The following PDSS2 variants were observed in gnomAD, a reference collection of about 807,000 sequenced individuals.
The protein encoded by PDSS2 is all trans-polyprenyl-diphosphate synthase PDSS2.
In PDSS2, 31 loss-of-function variants were observed where a neutral mutation model predicts 44.5. The ratio of observed to expected loss-of-function variants is 0.70; its 90% CI spans 0.52 to 0.94. The LOEUF (loss-of-function observed/expected upper bound fraction) is 0.94. Among genes scored for constraint, PDSS2 ranks in the 40% least tolerant of loss-of-function variants. The pLI is 0.00. For synonymous variants in PDSS2, 157 were observed against 180.3 expected (o/e 0.87, Z 1.03); for missense variants, 452 against 482.2 (o/e 0.94, Z 0.59).
intron 6 of PDSS2, among the ~76,000 whole-genome samples, chr6:107,205,807 C>T (rs1250719408): frequency 6.6e-6 from 1 of 152,158 alleles, no homozygotes; most frequent in East Asian, 1.9e-4. Flanking sequence ...AGAGGTGGCA[C>T]AGCCTGATAA....
intron 1 of PDSS2, among the ~76,000 whole-genome samples, chr6:107,358,417 A>C (rs368421425): frequency 6.6e-6 from 1 of 152,322 alleles, no homozygotes; most frequent in South Asian, 2.1e-4. Flanking sequence ...TCAAACTGCT[A>C]TATTCATCTA....
At chr6:107,232,246 A>G (rs896384243) in intron 4 of PDSS2, among the ~76,000 whole-genome samples, 2 of 152,128 alleles carry the variant, frequency 1.3e-5, no homozygotes, top group Non-Finnish European at 2.9e-5. Flanking sequence ...TATTTTCATA[A>G]CACCTGTCTG....
chr6:107,330,406 C>T (rs1393415591), intron 2 of PDSS2, among the ~76,000 whole-genome samples: 2 of 152,086 alleles, frequency 1.3e-5, no homozygotes, highest in Admixed American at 6.6e-5. Flanking sequence ...AGTTAAGGTG[C>T]TGGGAAACTT....
chr6:107,295,022 C>T (rs1452241150), intron 2 of PDSS2, among the ~76,000 whole-genome samples: 1 of 152,102 alleles, frequency 6.6e-6, no homozygotes, highest in East Asian at 1.9e-4. Flanking sequence ...CTCTGCCCCA[C>T]TGGGGTTCAA....
At chr6:107,263,504 C>T (rs1161986359) in intron 3 of PDSS2, among the ~76,000 whole-genome samples, 1 of 151,868 alleles carries the variant, frequency 6.6e-6, no homozygotes, top group African/African-American at 2.4e-5. Flanking sequence ...ATGTAAGCTG[C>T]TCTTGCTCTT....
chr6:107,277,701 C>T (rs1299188918), intron 2 of PDSS2, among the ~76,000 whole-genome samples: 2 of 152,182 alleles, frequency 1.3e-5, no homozygotes, highest in East Asian at 3.9e-4. Context: ...GCCTGTAATC[C>T]CTGCACTATG....
rs144549227 is a variant in PDSS2 at position 107,252,074 on chromosome 6, C to T, written c.631-6455G>A. Among the ~76,000 whole-genome samples, 501 of 152,290 alleles carry T rather than the reference C, an allele frequency of 3.3e-3. 4 individuals are homozygous for T. The highest frequency in any genetic ancestry group is 0.012 in the African/African-American group (484 of 41,556). On this transcript the variant is annotated intron_variant, in intron 3 of 7. Coordinates refer to ENST00000369037, the MANE Select transcript of PDSS2 (RefSeq NM_020381.4). ...CAGGCTGGCAGCCTCAGTGGAGAAA[C>T]GACTTCTGAAGAACACAGGGCACAG... is the stretch of plus-strand genomic sequence containing the variant.
intron 3 of PDSS2, among the ~76,000 whole-genome samples, chr6:107,250,887 G>A (rs1459685673): frequency 1.3e-5 from 2 of 151,440 alleles, no homozygotes; most frequent in South Asian, 2.1e-4. Context: ...ACGGAGTCTC[G>A]CTCTGTTACC....
Position 107,258,655 on chromosome 6 carries a change from T to C in PDSS2, c.631-13036A>G, listed in dbSNP as rs538782712. ...CCATCTCTACTAAAAATACAAAAATTAGCTGGATGTGGTGGTGGGTGCCTA... is the reference window on the plus strand; with the variant it reads ...CCATCTCTACTAAAAATACAAAAATCAGCTGGATGTGGTGGTGGGTGCCTA... On this transcript the variant is annotated intron_variant, in intron 3 of 7. Transcript: ENST00000369037. Among the ~76,000 whole-genome samples, 3 of 152,126 alleles carry C rather than the reference T, an allele frequency of 2.0e-5. No homozygotes were observed. The South Asian group carries it at 6.2e-4, about 32-fold the overall frequency.
intron 7 of PDSS2, among the ~76,000 whole-genome samples, chr6:107,158,136 G>A (rs1554245997): frequency 6.6e-6 from 1 of 150,962 alleles, no homozygotes; most frequent in African/African-American, 2.4e-5. Flanking sequence ...AGTGACTCAA[G>A]ATCACAGATG....
intron 7 of PDSS2, among the ~76,000 whole-genome samples, chr6:107,167,917 T>C (rs1554247821): frequency 6.6e-6 from 1 of 152,080 alleles, no homozygotes; most frequent in African/African-American, 2.4e-5. Context: ...CAATTTTGGA[T>C]TGGTGTGGTG....
chr6:107,198,473 T>C (rs1460945491), intron 6 of PDSS2, among the ~76,000 whole-genome samples: 1 of 152,220 alleles, frequency 6.6e-6, no homozygotes, highest in African/African-American at 2.4e-5. Flanking sequence ...TTACTCTTGA[T>C]CACTTTAGCT....
chr6:107,259,275 T>C (rs1001401386), intron 3 of PDSS2, among the ~76,000 whole-genome samples: 3 of 152,150 alleles, frequency 2.0e-5, no homozygotes, highest in African/African-American at 7.2e-5. Context: ...ACTGAAATAA[T>C]AGATGGATGA....
chr6:107,428,227 T>C (rs1378228537), intron 1 of PDSS2, among the ~76,000 whole-genome samples: 1 of 152,246 alleles, frequency 6.6e-6, no homozygotes, highest in Non-Finnish European at 1.5e-5. Flanking sequence ...CAACAGCATC[T>C]TGTAGTAATC....
intron 7 of PDSS2, among the ~76,000 whole-genome samples, chr6:107,181,341 T>G (rs998585871): frequency 1.3e-5 from 2 of 150,398 alleles, no homozygotes; most frequent in African/African-American, 2.4e-5. Flanking sequence ...AAGATCAGCC[T>G]AGCCAACATG....
At chr6:107,449,047 C>T (rs983483538) in intron 1 of PDSS2, among the ~76,000 whole-genome samples, 1 of 152,156 alleles carries the variant, frequency 6.6e-6, no homozygotes. Flanking sequence ...GGGGACACAG[C>T]CAAACTGTAT....
At chr6:107,388,208 C>T (rs1393636521) in intron 1 of PDSS2, among the ~76,000 whole-genome samples, 1 of 152,040 alleles carries the variant, frequency 6.6e-6, no homozygotes, top group East Asian at 1.9e-4. Context: ...ATTATCCAGC[C>T]CAGGACACTA....
chr6:107,357,036 T>C (rs150676484), intron 1 of PDSS2, among the ~76,000 whole-genome samples: 492 of 152,268 alleles, frequency 3.2e-3, no homozygotes, highest in African/African-American at 0.011. Context: ...CTAATGCATT[T>C]TGGAACAAAC....
At chr6:107,382,054 C>T (rs1317263283) in intron 1 of PDSS2, among the ~76,000 whole-genome samples, 3 of 152,136 alleles carry the variant, frequency 2.0e-5, no homozygotes, top group Admixed American at 2.0e-4. Context: ...GTAAAACACC[C>T]AGATTATGTT....
Sources: allele counts gnomAD v4.1 joint callset (sites outside exome capture counted in the v4.1 genomes callset), GRCh38; gene constraint gnomAD v4.1.1; transcripts MANE v1.5; gene names NCBI Gene and HGNC (gene_info 2026-07-23, HGNC 2026-07-21).